Variants in COQ6 observed in about 807,000 individuals in gnomAD.
COQ6 encodes ubiquinone biosynthesis monooxygenase COQ6, mitochondrial.
A neutral mutation model predicts 55.5 loss-of-function variants in COQ6; 45 were observed. That is an observed-to-expected ratio of 0.81 (90% CI 0.64 to 1.04). COQ6 has a LOEUF of 1.04. COQ6 is among the 50% of genes least tolerant of loss of function. The pLI, the probability that COQ6 is intolerant of heterozygous loss-of-function variation, is 0.00. For synonymous variants in COQ6, 206 were observed against 230.5 expected (o/e 0.89, Z 0.96); for missense variants, 550 against 601.3 (o/e 0.91, Z 0.89).
rs1414050878 is a variant in COQ6 at position 73,955,484 on chromosome 14, G to A, written c.332G>A (p.Arg111Lys). The A allele has an allele frequency of 1.2e-6, 2 of 1,614,044 alleles. No individual in the cohort carries two copies. The change falls in exon 3 of 12, where the codon AGA becomes AAA. Residue 111 changes from arginine to lysine, a missense_variant. Transcript: ENST00000334571. ...FGAWDHICNM[R>K]YRAFRRMQVW... Reference sequence around the variant, plus strand: ...GCCTGGGACCATATCTGCAACATGAGATACAGAGCCTTTCGGCGAATGCAG... The same window carrying A: ...GCCTGGGACCATATCTGCAACATGAAATACAGAGCCTTTCGGCGAATGCAG...
intron 4 of COQ6, 191 bp downstream of exon 4, chr14:73,956,119 T>A: frequency 1.6e-6 from 1 of 618,470 alleles, no homozygotes; most frequent in Non-Finnish European, 2.9e-6. Flanking sequence ...GGTCAGGAGA[T>A]GGAGACCATC....
chr14:73,950,741 G>T (rs919532714), intron 1 of COQ6: 5 of 568,110 alleles, frequency 8.8e-6, no homozygotes, highest in African/African-American at 3.7e-5. Flanking sequence ...CCTTCCCGGG[G>T]TTATTTATAA....
rs1019287413 is a variant in COQ6, at chr14:73,961,236, A to C, written c.955A>C (p.Ser319Arg). The stretch of plus-strand genomic sequence containing the variant: ...TGGTGCCATGCTGCAGTATGCTGTC[A>C]GCCTTCTGAAGCCCACTAAGGTCTC... ...TAGAMLQYAV[S>R]LLKPTKVSAR... Residue 319 changes from serine (S) to arginine (R), a missense_variant, in exon 9 of 12, where the codon AGC becomes CGC. Physicochemically the swap from Ser to Arg is moderately radical, Grantham distance 110 (BLOSUM62 -1). Coordinates refer to ENST00000334571, the MANE Select transcript of COQ6 (RefSeq NM_182476.3). The C allele has an allele frequency of 1.9e-6, 3 of 1,614,152 alleles. No homozygotes were observed. Among genetic ancestry groups the C allele is most frequent in the Non-Finnish European group, 2.5e-6 (3 of 1,180,008 alleles).
intron 1 of COQ6, among the ~76,000 whole-genome samples, chr14:73,951,233 C>T (rs59324826): frequency 6.6e-6 from 1 of 152,202 alleles, no homozygotes; most frequent in East Asian, 1.9e-4. Flanking sequence ...TGGGCTCAAG[C>T]AATCCACCTG....
rs772245139 is a variant in COQ6, at chr14:73,958,176, G to C, written c.511G>C (p.Ala171Pro). 17 of 1,614,034 alleles carry C rather than the reference G, an allele frequency of 1.1e-5. No homozygotes were observed. Among genetic ancestry groups the C allele is most frequent in the Middle Eastern group, 1.6e-4 (1 of 6,062 alleles). Residue 171 changes from alanine to proline, a missense_variant, in exon 5 of 12, where the codon GCC becomes CCC. Physicochemically the swap from Ala to Pro is conservative, Grantham distance 27. Coordinates refer to ENST00000334571, the MANE Select transcript of COQ6 (RefSeq NM_182476.3). ...DRVTVLYRSK[A>P]IRYTWPCPFP... ...AGTGACGGTTCTCTACAGGAGCAAA[G>C]CCATTCGCTATACCTGGCCTTGTCC...
Position 73,958,651 on chromosome 14 carries a change from C to T in COQ6, c.613-320C>T, listed in dbSNP as rs2056559100. The stretch of plus-strand genomic sequence containing the variant: ...TGCATGGTAGCCATTCCTAACCCTA[C>T]ATCAGAACTATTCAGCTCCAGTGTG... On this transcript the variant is annotated intron_variant, in intron 5 of 11. Coordinates refer to ENST00000334571, the MANE Select transcript of COQ6 (RefSeq NM_182476.3). The T allele has an allele frequency of 7.7e-6, 10 of 1,303,282 alleles. No homozygotes were observed. In the South Asian group the frequency reaches 9.3e-5, roughly 12 times the overall value. The allele number at this position is 1,303,282 out of a possible 1,614,324, so 80.7% of individuals were successfully genotyped here.
At chr14:73,959,332 G>A (rs141046392) in intron 7 of COQ6, 83 bp from the exon 8 acceptor site, 9 of 1,614,138 alleles carry the variant, frequency 5.6e-6, no homozygotes, top group Non-Finnish European at 7.6e-6. Context: ...CTGTTTGTAA[G>A]TTCCCTTTTT....
chr14:73,962,789 CCCAG>C (rs1332510413), intron 11 of COQ6, 177 bp from the exon 12 acceptor site: 2 of 622,348 alleles, frequency 3.2e-6, no homozygotes, highest in African/African-American at 3.7e-5. Context: ...TGCACTCCAG[CCCAG>C]TCAACAGAGT....
rs542245904 is a variant in COQ6, at chr14:73,958,165, A to C, written c.500A>C (p.Tyr167Ser). Residue 167 changes from tyrosine to serine, a missense_variant, in exon 5 of 12, where the codon TAC (tyrosine) becomes TCC (serine). Transcript: ENST00000334571. ...TCCCCAGACCGAGTGACGGTTCTCT[A>C]CAGGAGCAAAGCCATTCGCTATACC... is the stretch of plus-strand genomic sequence containing the variant. The part of the protein sequence containing the change: ...EAVSDRVTVL[Y>S]RSKAIRYTWP... The C allele has an allele frequency of 6.2e-7, 1 of 1,613,862 alleles. No individual in the cohort carries two copies. The highest frequency in any genetic ancestry group is 8.5e-7 in the Non-Finnish European group (1 of 1,179,998).
At chr14:73,959,342 T>G in intron 7 of COQ6, 73 bp from the exon 8 acceptor site, 1 of 1,614,180 alleles carries the variant, frequency 6.2e-7, no homozygotes, top group Non-Finnish European at 8.5e-7. Context: ...GTTCCCTTTT[T>G]GTCTTTTTAT....
At chr14:73,949,923 T>C, upstream of COQ6, 1 of 1,607,794 alleles carries the variant, frequency 6.2e-7, no homozygotes, top group Non-Finnish European at 8.5e-7. Context: ...CGCCCAACAG[T>C]TTCCTCTCCG....
chr14:73,963,105 C>A lies in COQ6; in HGVS notation c.*106C>A. 1 of 972,036 alleles carries A rather than the reference C, an allele frequency of 1.0e-6. No individual in the cohort carries two copies. The highest frequency in any genetic ancestry group is 1.6e-6 in the Non-Finnish European group (1 of 607,572). 60.2% of individuals were successfully genotyped at this position (972,036 alleles called of 1,614,324 possible). On this transcript the variant is annotated 3_prime_UTR_variant, in exon 12 of 12. Transcript: ENST00000334571. ...TATTTAATTTAATAAACTTACTTTA[C>A]ATTAAAATTCTCTTTTTCTTCTTTG...
At chr14:73,956,717 T>G (rs1331151373) in intron 4 of COQ6, 1 of 152,222 alleles carries the variant, frequency 6.6e-6, no homozygotes, top group African/African-American at 2.4e-5. Context: ...TATTTGTTTT[T>G]GAGTTATAGG....
At position 73,963,607 on chromosome 14, in the gene COQ6, T is replaced by G. The variant is rs375502473; in HGVS notation, c.*608T>G. 5 of 155,342 alleles carry G rather than the reference T, an allele frequency of 3.2e-5. No individual in the cohort carries two copies. The highest frequency in any genetic ancestry group is 9.7e-5 in the African/African-American group (4 of 41,450). The allele number at this position is 155,342 out of a possible 1,614,324, so 9.6% of individuals were successfully genotyped here. On this transcript the variant is annotated 3_prime_UTR_variant, in exon 12 of 12. Coordinates refer to ENST00000334571, the MANE Select transcript of COQ6 (RefSeq NM_182476.3). ...TCGGTTTAATAAAACAATAAATAAT[T>G]CATTGCACAGATCCGAAGACCTCAG...
chr14:73,959,452 C>T lies in COQ6; in HGVS notation c.821C>T (p.Ser274Phe). 2 of 1,614,192 alleles carry T rather than the reference C, an allele frequency of 1.2e-6. No homozygotes were observed. Among genetic ancestry groups the T allele is most frequent in the Non-Finnish European group, 1.7e-6 (2 of 1,180,040 alleles). Reference sequence around the variant, plus strand: ...TTGAGTTCCTTGGTTTGGTCCACGTCCCATGAACATGCAGCAGAGCTAGTT... The same window carrying T: ...TTGAGTTCCTTGGTTTGGTCCACGTTCCATGAACATGCAGCAGAGCTAGTT... ...DTLSSLVWSTSHEHAAELVSM... is the reference protein window; with the variant it reads ...DTLSSLVWSTFHEHAAELVSM... Residue 274 changes from serine to phenylalanine, a missense_variant, in exon 8 of 12, where the codon TCC (serine) becomes TTC (phenylalanine). Ser to Phe is a radical substitution (Grantham distance 155, BLOSUM62 -2). Transcript: ENST00000334571.
intron 1 of COQ6, among the ~76,000 whole-genome samples, chr14:73,952,002 A>G (rs1305487378): frequency 1.4e-5 from 2 of 144,174 alleles, no homozygotes; most frequent in Non-Finnish European, 3.0e-5. Flanking sequence ...AAAAAAAAAA[A>G]GAAGATAGTG....
In COQ6 at chr14:73,958,471, G is replaced by C. The variant is rs1044336405; in HGVS notation, c.612+194G>C. ...AATCCTGTACAGGGAGCAATCTCAT[G>C]GGCCGTCTTAGGTTGTGAAATAACA... On this transcript the variant is annotated intron_variant, in intron 5 of 11. Coordinates refer to ENST00000334571, the MANE Select transcript of COQ6 (RefSeq NM_182476.3). The C allele has an allele frequency of 2.8e-6, 4 of 1,440,122 alleles. No homozygotes were observed. In the African/African-American group the frequency reaches 5.7e-5, roughly 20 times the overall value. 89.2% of individuals were successfully genotyped at this position (1,440,122 alleles called of 1,614,324 possible).
chr14:73,958,809 T>G, intron 5 of COQ6, 162 bp from the exon 6 acceptor site: 4 of 1,522,638 alleles, frequency 2.6e-6, no homozygotes, highest in Non-Finnish European at 2.6e-6. Context: ...GATGTGACAG[T>G]GCAGGGGCTC....
At position 73,962,721 on chromosome 14, in the gene COQ6, G is replaced by A. The variant is rs1034938755; in HGVS notation, c.1378-249G>A. ...TCCCAGCACTTTATAGGAGGCTGGG[G>A]AGGGAGGATTGCTTGAGCCTAGGAG... is the stretch of plus-strand genomic sequence containing the variant. On this transcript the variant is annotated intron_variant, in intron 11 of 11. Coordinates refer to ENST00000334571, the MANE Select transcript of COQ6 (RefSeq NM_182476.3). 1.6e-4 allele frequency: 82 copies of A among 520,808 alleles called. 1 individual carries two copies. In the East Asian group the frequency reaches 2.4e-3, roughly 15 times the overall value. 32.3% of individuals were successfully genotyped at this position (520,808 alleles called of 1,614,324 possible). A position where few individuals can be genotyped will look rare whatever the true frequency, so the allele number is the denominator to read the frequency against.
Sources: gnomAD v4.1 joint callset for allele counts (sites outside exome capture counted in the v4.1 genomes callset) on GRCh38, gnomAD v4.1.1 for gene constraint, MANE v1.5 for transcripts, NCBI Gene and HGNC (gene_info 2026-07-23, HGNC 2026-07-21) for gene names.